The following JAM3 variants were observed in gnomAD, a reference collection of about 807,000 sequenced individuals.
JAM3 encodes the protein junctional adhesion molecule 3.
Under a neutral mutation model 39.4 loss-of-function variants are expected in JAM3, and 31 were observed. The observed-to-expected ratio is 0.79, with a 90% CI of 0.59 to 1.06. The LOEUF is 1.06. Ranked by LOEUF, JAM3 falls within the 50% of genes least tolerant of loss-of-function variation. The probability of loss-of-function intolerance (pLI) is 0.00; values close to 1 mark genes in which losing one functional copy is unlikely to be tolerated. For synonymous variants in JAM3, 182 were observed against 148.7 expected (o/e 1.22, Z -1.63); for missense variants, 455 against 391.4 (o/e 1.16, Z -1.37).
At position 134,149,855 on chromosome 11, in the gene JAM3, G is replaced by A. The variant is rs188683875; in HGVS notation, c.*674G>A. ...GTGTCAGGATTTAAGGAAAACCTTCGTCTTAGGCTAAGTCTGAAATGGTAC... is the reference window on the plus strand; with the variant it reads ...GTGTCAGGATTTAAGGAAAACCTTCATCTTAGGCTAAGTCTGAAATGGTAC... On this transcript the variant is annotated 3_prime_UTR_variant, in exon 9 of 9. Coordinates refer to ENST00000299106, the MANE Select transcript of JAM3 (RefSeq NM_032801.5). 76 of 319,474 alleles carry A rather than the reference G, an allele frequency of 2.4e-4. No homozygotes were observed. In the East Asian group the frequency reaches 4.1e-3, roughly 17 times the overall value. 19.8% of individuals were successfully genotyped at this position (319,474 alleles called of 1,614,324 possible).
chr11:134,107,982 A>T (rs183631132), intron 1 of JAM3, among the ~76,000 whole-genome samples: 1,700 of 152,220 alleles, frequency 0.011, 31 homozygotes, highest in African/African-American at 0.038. Context: ...TTCAGAAAAC[A>T]AAAACAACAG....
At chr11:134,093,157 G>T (rs1267940941) in intron 1 of JAM3, among the ~76,000 whole-genome samples, 2 of 123,548 alleles carry the variant, frequency 1.6e-5, no homozygotes, top group African/African-American at 3.3e-5. Flanking sequence ...TATCTTACAT[G>T]TCACTTCCTG....
At chr11:134,106,625 A>G (rs1035725926) in intron 1 of JAM3, among the ~76,000 whole-genome samples, 1 of 152,174 alleles carries the variant, frequency 6.6e-6, no homozygotes, top group African/African-American at 2.4e-5. Context: ...GAATCTACAA[A>G]GAACTCAAAT....
At chr11:134,070,346 T>G in intron 1 of JAM3, 2 of 397,096 alleles carry the variant, frequency 5.0e-6, no homozygotes, top group South Asian at 3.8e-5. Context: ...TGTCATCCCA[T>G]GATGTTTTCC....
intron 1 of JAM3, chr11:134,139,630 T>C: frequency 3.5e-6 from 2 of 572,646 alleles, no homozygotes; most frequent in South Asian, 4.0e-5. Context: ...GAAGGAATTC[T>C]TAGAACTCTT....
intron 1 of JAM3, among the ~76,000 whole-genome samples, chr11:134,083,006 G>A (rs1442780564): frequency 6.6e-6 from 1 of 152,064 alleles, no homozygotes; most frequent in African/African-American, 2.4e-5. Context: ...TCTATTTTAT[G>A]GATGATGACT....
At chr11:134,077,695 G>A (rs186366813) in intron 1 of JAM3, among the ~76,000 whole-genome samples, 111 of 121,462 alleles carry the variant, frequency 9.1e-4, no homozygotes, top group African/African-American at 3.0e-3. Flanking sequence ...TTGCTCTTTC[G>A]CCCATGCTGG....
At chr11:134,145,879 C>A in intron 5 of JAM3, 67 bp from the exon 6 acceptor site, 1 of 1,034,038 alleles carries the variant, frequency 9.7e-7, no homozygotes, top group East Asian at 2.4e-5. Flanking sequence ...CTGGACCCAG[C>A]TGGCTGTGCT....
intron 1 of JAM3, among the ~76,000 whole-genome samples, chr11:134,127,355 C>T (rs1348412543): frequency 6.6e-6 from 1 of 152,160 alleles, no homozygotes; most frequent in Non-Finnish European, 1.5e-5. Context: ...TCTGATGGCC[C>T]TGGTTTCAAG....
chr11:134,120,237 G>A (rs1942507330), intron 1 of JAM3, among the ~76,000 whole-genome samples: 1 of 152,264 alleles, frequency 6.6e-6, no homozygotes, highest in Non-Finnish European at 1.5e-5. Context: ...GCCGTTGTAT[G>A]TTTAGGCTTG....
In JAM3 at chr11:134,140,779, C is replaced by A; in HGVS notation, c.256+9C>A. The A allele has an allele frequency of 6.2e-7, 1 of 1,609,946 alleles. No individual in the cohort carries two copies. The highest frequency in any genetic ancestry group is 1.1e-5 in the South Asian group (1 of 90,400). On this transcript the variant is annotated intron_variant, in intron 3 of 8. Transcript: ENST00000299106. ...TGACAACAAAATTCAGGGTATGATC[C>A]TGTAGTCCTCTTGCCTGCTGACCTT...
intron 1 of JAM3, among the ~76,000 whole-genome samples, chr11:134,110,394 C>G (rs1167603523): frequency 1.3e-5 from 2 of 152,156 alleles, no homozygotes; most frequent in African/African-American, 4.8e-5. Context: ...GGAAATAACC[C>G]AAATGCCCAT....
intron 1 of JAM3, among the ~76,000 whole-genome samples, chr11:134,097,916 C>A (rs2120669450): frequency 6.6e-6 from 1 of 151,916 alleles, no homozygotes; most frequent in African/African-American, 2.4e-5. Context: ...GAGTTTATGA[C>A]ATTAAGGACT....
At chr11:134,083,829 A>C (rs1162068984) in intron 1 of JAM3, among the ~76,000 whole-genome samples, 2 of 152,250 alleles carry the variant, frequency 1.3e-5, no homozygotes, top group East Asian at 1.9e-4. Context: ...TCCAGTGGAA[A>C]TCACCTTACC....
chr11:134,134,158 A>T (rs2120828716), intron 1 of JAM3, among the ~76,000 whole-genome samples: 1 of 152,274 alleles, frequency 6.6e-6, no homozygotes, highest in Middle Eastern at 3.4e-3. Context: ...GCTTGAGGAT[A>T]TGCCAACAGA....
chr11:134,084,491 C>G (rs970915342), intron 1 of JAM3, among the ~76,000 whole-genome samples: 1 of 152,146 alleles, frequency 6.6e-6, no homozygotes, highest in Non-Finnish European at 1.5e-5. Context: ...AAAAATAACA[C>G]AAATTAAAAT....
At chr11:134,120,309 A>C in intron 1 of JAM3, among the ~76,000 whole-genome samples, 1 of 152,232 alleles carries the variant, frequency 6.6e-6, no homozygotes, top group African/African-American at 2.4e-5. Flanking sequence ...GGTCAAGGAA[A>C]AATGTCTTTT....
At chr11:134,108,560 C>G (rs999812693) in intron 1 of JAM3, among the ~76,000 whole-genome samples, 2 of 152,086 alleles carry the variant, frequency 1.3e-5, no homozygotes, top group Non-Finnish European at 2.9e-5. Context: ...TAAAAAAGAC[C>G]AAGTTCTGGC....
chr11:134,148,312 C>G (rs1416552769), intron 6 of JAM3: 2 of 577,318 alleles, frequency 3.5e-6, no homozygotes, highest in Non-Finnish European at 6.2e-6. Context: ...TTCAGTGCGA[C>G]TGCATTTCAA....
Sources: allele counts gnomAD v4.1 joint callset (sites outside exome capture counted in the v4.1 genomes callset), GRCh38; gene constraint gnomAD v4.1.1; transcripts MANE v1.5; gene names NCBI Gene and HGNC (gene_info 2026-07-23, HGNC 2026-07-21).